Variants in ANKRD16 observed in about 807,000 individuals in gnomAD.
ANKRD16 encodes the protein ankyrin repeat domain 16.
A neutral mutation model predicts 37.9 loss-of-function variants in ANKRD16; 35 were observed. The observed-to-expected ratio is 0.92, with a 90% CI of 0.71 to 1.23. ANKRD16 has a LOEUF of 1.23. Ranked by LOEUF, ANKRD16 falls within the 50% of genes most tolerant of loss-of-function variation. ANKRD16 has a pLI of 0.00. For synonymous variants in ANKRD16, 206 were observed against 197.2 expected (o/e 1.04, Z -0.37); for missense variants, 480 against 469.9 (o/e 1.02, Z -0.20).
In ANKRD16 at chr10:5,862,714, A is replaced by G. The variant is rs192669088; in HGVS notation, c.*34-23T>C. The G allele has an allele frequency of 6.2e-6, 8 of 1,284,716 alleles. No homozygotes were observed. The highest frequency in any genetic ancestry group is 8.1e-6 in the Non-Finnish European group (8 of 984,478). The allele number at this position is 1,284,716 out of a possible 1,614,324, so 79.6% of individuals were successfully genotyped here. A position where few individuals can be genotyped will look rare whatever the true frequency, so the allele number is the denominator to read the frequency against. ...ACTCTGTGAAGAAAGAGTTATTATC[A>G]TCTCAGTTTACAGATGAAACAGAAG... is the stretch of plus-strand genomic sequence containing the variant. On this transcript the variant is annotated intron_variant, in intron 7 of 7. Coordinates refer to ENST00000380094, the MANE Select transcript of ANKRD16 (RefSeq NM_019046.3). This position sits in a 1 kb window ranked among gnomAD's most constrained non-coding sequence, Gnocchi z 6.5.
intron 4 of ANKRD16, among the ~76,000 whole-genome samples, chr10:5,883,484 T>G (rs1472195975): frequency 6.6e-6 from 1 of 152,140 alleles, no homozygotes; most frequent in African/African-American, 2.4e-5. Flanking sequence ...TTAGTAGAGA[T>G]GGGTTTTAAC....
rs946253651 is a variant in ANKRD16 at position 5,866,979 on chromosome 10, AAAG to A, written c.*34-4291_*34-4289del. ...GGGAGTCAGAAGGAGAGAGAAAGACAAAGAAGAAGTCAAAGAGAAAGAAAGAGA... is the reference window on the plus strand; with the variant it reads ...GGGAGTCAGAAGGAGAGAGAAAGACAAAGAAGTCAAAGAGAAAGAAAGAGA... On this transcript the variant is annotated intron_variant, in intron 7 of 7. Coordinates refer to ENST00000380094, the MANE Select transcript of ANKRD16 (RefSeq NM_019046.3). This position sits in a 1 kb window ranked among gnomAD's most constrained non-coding sequence, Gnocchi z 4.3. Among the ~76,000 whole-genome samples, 8 of 152,294 alleles carry A rather than the reference AAAG, an allele frequency of 5.3e-5. No homozygotes were observed. Among genetic ancestry groups the A allele is most frequent in the South Asian group, 2.1e-4 (1 of 4,824 alleles).
At chr10:5,886,072 T>C (rs1030114786) in intron 2 of ANKRD16, among the ~76,000 whole-genome samples, 6 of 152,232 alleles carry the variant, frequency 3.9e-5, no homozygotes, top group African/African-American at 1.4e-4. Context: ...GACTAGTCCA[T>C]TTTTGCCCAG....
chr10:5,881,363 C>T (rs543859764), intron 5 of ANKRD16, among the ~76,000 whole-genome samples: 29 of 146,288 alleles, frequency 2.0e-4, no homozygotes, highest in Middle Eastern at 3.5e-3. Context: ...AGATCATAAC[C>T]GCTCATAAAT....
intron 7 of ANKRD16, among the ~76,000 whole-genome samples, chr10:5,873,476 A>G (rs1342544754): frequency 2.6e-5 from 4 of 152,120 alleles, no homozygotes; most frequent in Non-Finnish European, 5.9e-5. Flanking sequence ...GCTCAGCCCT[A>G]TATGCATTTT....
In ANKRD16 at chr10:5,883,029, T is replaced by C. The variant is rs1438086217; in HGVS notation, c.826A>G (p.Thr276Ala). 1.2e-6 allele frequency: 2 copies of C among 1,613,686 alleles called. No individual in the cohort carries two copies. The highest frequency in any genetic ancestry group is 2.7e-5 in the African/African-American group (2 of 74,902). Residue 276 changes from threonine (T) to alanine (A), a missense_variant, in exon 5 of 8, where the codon ACA becomes GCA. By Grantham distance (58) the Thr-to-Ala change is moderately conservative. Coordinates refer to ENST00000380094, the MANE Select transcript of ANKRD16 (RefSeq NM_019046.3). Reference sequence around the variant, plus strand: ...ACCTTAGCTGCATAATGAAGTGCTGTGAGGTGGGTTGATGTGGCTCTCACA... The same window carrying C: ...ACCTTAGCTGCATAATGAAGTGCTGCGAGGTGGGTTGATGTGGCTCTCACA... ...VDVRATSTHL[T>A]ALHYAAKEGH...
rs563352325 is a variant in ANKRD16, at chr10:5,889,376, G to A, written c.-22C>T. 217 of 1,194,040 alleles carry A rather than the reference G, an allele frequency of 1.8e-4. No individual in the cohort carries two copies. The African/African-American group carries it at 3.1e-3, about 17-fold the overall frequency. 74.0% of individuals were successfully genotyped at this position (1,194,040 alleles called of 1,614,324 possible). A position where few individuals can be genotyped will look rare whatever the true frequency, so the allele number is the denominator to read the frequency against. ...CCATCGCCGCGGGTCGGGCCGGGCT[G>A]CGCGGGGAGGCGGCGGGCGGGACAC... On this transcript the variant is annotated 5_prime_UTR_variant, in exon 1 of 8. Coordinates refer to ENST00000380094, the MANE Select transcript of ANKRD16 (RefSeq NM_019046.3).
At chr10:5,885,805 T>C in intron 2 of ANKRD16, 40 bp from the exon 3 acceptor site, 2 of 1,581,176 alleles carry the variant, frequency 1.3e-6, no homozygotes, top group Non-Finnish European at 1.7e-6. Flanking sequence ...AGCTTTTTAG[T>C]GCACACACAA....
Position 5,887,907 on chromosome 10 carries a change from C to T in ANKRD16, c.475G>A (p.Val159Ile). Reference sequence around the variant, plus strand: ...TCTGTCTTCCAGGCACCTGGGCAAACAGTGAGCAGGTACTGGAGGATCAGA... The same window carrying T: ...TCTGTCTTCCAGGCACCTGGGCAAATAGTGAGCAGGTACTGGAGGATCAGA... The part of the protein sequence containing the change: ...DPLILQYLLT[V>I]CPGAWKTESK... Residue 159 changes from valine to isoleucine, a missense_variant, in exon 2 of 8, where the codon GTT becomes ATT. Physicochemically the swap from Val to Ile is conservative, Grantham distance 29. Transcript: ENST00000380094. 1 of 1,614,220 alleles carries T rather than the reference C, an allele frequency of 6.2e-7. No individual in the cohort carries two copies. The highest frequency in any genetic ancestry group is 2.2e-5 in the East Asian group (1 of 44,890).
At position 5,888,079 on chromosome 10, in the gene ANKRD16, C is replaced by G; in HGVS notation, c.315-12G>C. On this transcript the variant is annotated splice_polypyrimidine_tract_variant and intron_variant, in intron 1 of 7. Transcript: ENST00000380094. ...TCATCAGAGGAGTCCTAAGGCCAAC[C>G]AGGAGAAGCTGTCAGATGGAGGCAG... The G allele has an allele frequency of 6.2e-7, 1 of 1,612,022 alleles. No individual in the cohort carries two copies. Among genetic ancestry groups the G allele is most frequent in the Middle Eastern group, 1.7e-4 (1 of 6,050 alleles).
Position 5,862,568 on chromosome 10 carries a change from G to T in ANKRD16, c.*157C>A, listed in dbSNP as rs1331825468. 1.6e-6 allele frequency: 2 copies of T among 1,281,966 alleles called. No homozygotes were observed. The highest frequency in any genetic ancestry group is 2.5e-5 in the South Asian group (2 of 80,838). The allele number at this position is 1,281,966 out of a possible 1,614,324, so 79.4% of individuals were successfully genotyped here. A position where few individuals can be genotyped will look rare whatever the true frequency, so the allele number is the denominator to read the frequency against. The stretch of plus-strand genomic sequence containing the variant: ...TGGTACACCTCAGATATACAACTTT[G>T]ATCTCGCTGGGGTCAAACGTAGGTG... On this transcript the variant is annotated 3_prime_UTR_variant, in exon 8 of 8. Coordinates refer to ENST00000380094, the MANE Select transcript of ANKRD16 (RefSeq NM_019046.3). This position sits in a 1 kb window ranked among gnomAD's most constrained non-coding sequence, Gnocchi z 6.5.
At position 5,871,365 on chromosome 10, in the gene ANKRD16, C is replaced by A. The variant is rs1025268787; in HGVS notation, c.*33+6732G>T. ...TTGAGCCATTGCACTCTAGCCTGGG[C>A]GACAGAGCTAGACTCCAACTCAAAT... On this transcript the variant is annotated intron_variant, in intron 7 of 7. Transcript: ENST00000380094. This position sits in a 1 kb window ranked among gnomAD's most constrained non-coding sequence, Gnocchi z 4.5. 6.6e-6 allele frequency among the ~76,000 whole-genome samples: 1 copy of A among 150,518 alleles called. No individual in the cohort carries two copies. Among genetic ancestry groups the A allele is most frequent in the Non-Finnish European group, 1.5e-5 (1 of 67,804 alleles).
intron 5 of ANKRD16, chr10:5,881,207 G>A: frequency 4.7e-6 from 2 of 424,314 alleles, no homozygotes; most frequent in East Asian, 1.6e-4. Flanking sequence ...GATCAACTCT[G>A]TGAGCCAAAT....
In ANKRD16 at chr10:5,874,877, G is replaced by A. The variant is rs938532991; in HGVS notation, c.*33+3220C>T. Among the ~76,000 whole-genome samples the A allele has an allele frequency of 5.3e-5, 8 of 152,124 alleles. No individual in the cohort carries two copies. The highest frequency in any genetic ancestry group is 2.0e-4 in the Admixed American group (3 of 15,274). On this transcript the variant is annotated intron_variant, in intron 7 of 7. Transcript: ENST00000380094. The surrounding 1 kb of genome is among the most constrained non-coding windows in gnomAD (Gnocchi z 4.7). The stretch of plus-strand genomic sequence containing the variant: ...GACAGAAGCTGGTACGCATGAGCAC[G>A]GAGGGCCAGCCTGACAGAGGAGTGC...
At chr10:5,882,013 C>T (rs1352530089) in intron 5 of ANKRD16, among the ~76,000 whole-genome samples, 3 of 151,924 alleles carry the variant, frequency 2.0e-5, no homozygotes, top group South Asian at 4.2e-4. Context: ...CCCCGTGATC[C>T]GCCCGCCTTG....
At chr10:5,867,238 C>A (rs634494) in intron 7 of ANKRD16, among the ~76,000 whole-genome samples, 92,488 of 152,044 alleles carry the variant, frequency 0.61, 28,856 homozygotes, top group Middle Eastern at 0.72. Flanking sequence ...GGGGATCTAA[C>A]TCTTAACTAA....
At chr10:5,888,357 G>C (rs1842485897) in intron 1 of ANKRD16, among the ~76,000 whole-genome samples, 2 of 152,210 alleles carry the variant, frequency 1.3e-5, no homozygotes, top group African/African-American at 4.8e-5. Context: ...AATTGGAGCA[G>C]AGCTAAGAAA....
At chr10:5,887,077 G>A (rs582359) in intron 2 of ANKRD16, among the ~76,000 whole-genome samples, 53,696 of 152,098 alleles carry the variant, frequency 0.35, 10,806 homozygotes, top group East Asian at 0.68. Context: ...CAGTTATTTT[G>A]TGCTATGTGC....
Position 5,870,075 on chromosome 10 carries a change from TC to T in ANKRD16, c.*34-7385del, listed in dbSNP as rs1280299220. Among the ~76,000 whole-genome samples, 2 of 152,118 alleles carry T rather than the reference TC, an allele frequency of 1.3e-5. No individual in the cohort carries two copies. Among genetic ancestry groups the T allele is most frequent in the East Asian group, 3.9e-4 (2 of 5,168 alleles). The stretch of plus-strand genomic sequence containing the variant: ...TTCGTACAGACATTAGACTCATTCC[TC>T]CTCCTCACTTTCTGTTGGACCATTC... On this transcript the variant is annotated intron_variant, in intron 7 of 7. Transcript: ENST00000380094. This position sits in a 1 kb window ranked among gnomAD's most constrained non-coding sequence, Gnocchi z 5.0.
Sources: gnomAD v4.1 joint callset for allele counts (sites outside exome capture counted in the v4.1 genomes callset) on GRCh38, gnomAD v4.1.1 for gene constraint, Gnocchi (gnomAD v3.1) non-coding constraint, MANE v1.5 for transcripts, NCBI Gene and HGNC (gene_info 2026-07-23, HGNC 2026-07-21) for gene names.